C8orf88: variants seen among roughly 807,000 people sequenced by gnomAD.
C8orf88 encodes the protein uncharacterized protein C8orf88.
C8orf88 carries 14 observed loss-of-function variants against 18.4 expected under a neutral mutation model. That is an observed-to-expected ratio of 0.76 (90% CI 0.50 to 1.19). The LOEUF is 1.19. Ranked by LOEUF, C8orf88 falls within the 50% of genes most tolerant of loss-of-function variation. The pLI is 0.00. For synonymous variants in C8orf88, 45 were observed against 42.9 expected (o/e 1.05, Z -0.19); for missense variants, 116 against 134.7 (o/e 0.86, Z 0.69).
intron 1 of C8orf88, among the ~76,000 whole-genome samples, chr8:90,982,876 A>G (rs929051377): frequency 7.9e-5 from 12 of 152,176 alleles, no homozygotes; most frequent in African/African-American, 2.9e-4. Flanking sequence ...AAAAAGGTTA[A>G]GTATTTATAA....
chr8:90,975,957 A>G (rs1179972729), intron 3 of C8orf88, among the ~76,000 whole-genome samples: 2 of 151,610 alleles, frequency 1.3e-5, no homozygotes, highest in African/African-American at 2.4e-5. Context: ...CTACTGATAT[A>G]TACAACATGA....
rs1811418534 is a variant in C8orf88, at chr8:90,980,595, C to A, written c.-26-134G>T. On this transcript the variant is annotated intron_variant, in intron 1 of 5. Transcript: ENST00000517562. The stretch of plus-strand genomic sequence containing the variant: ...AGTGGAAAACACAAACACAAAAAAG[C>A]ATTTAATATGCAATACTCAGACTCC... The A allele has an allele frequency of 5.2e-5, 27 of 515,560 alleles. 1 individual carries two copies. In the South Asian group the frequency reaches 7.4e-4, roughly 14 times the overall value. 31.9% of individuals were successfully genotyped at this position (515,560 alleles called of 1,614,324 possible).
chr8:90,984,437 G>T (rs1333999399), intron 1 of C8orf88, among the ~76,000 whole-genome samples: 1 of 152,098 alleles, frequency 6.6e-6, no homozygotes, highest in African/African-American at 2.4e-5. Context: ...TGACTCAAGT[G>T]GTGAAAGACA....
intron 3 of C8orf88, among the ~76,000 whole-genome samples, chr8:90,974,170 T>C (rs1419135114): frequency 6.6e-6 from 1 of 152,130 alleles, no homozygotes; most frequent in Non-Finnish European, 1.5e-5. Context: ...ACACTCTGTA[T>C]CTCCTTCACT....
chr8:90,976,345 CATT>C (rs1811350160), intron 3 of C8orf88, among the ~76,000 whole-genome samples: 1 of 152,000 alleles, frequency 6.6e-6, no homozygotes, highest in African/African-American at 2.4e-5. Context: ...ATAGCCTTTG[CATT>C]ATAATTGAAG....
In C8orf88 at chr8:90,970,164, TAA is replaced by T. The variant is rs1274510149; in HGVS notation, c.223+900_223+901del. On this transcript the variant is annotated intron_variant, in intron 4 of 5. Coordinates refer to ENST00000517562, the MANE Select transcript of C8orf88 (RefSeq NM_001190972.2). ...TATATTTTACACAGTCATAGTAGTATAAAGAGTGAGTAACACTTTAATTGAAA... is the reference window on the plus strand; with the variant it reads ...TATATTTTACACAGTCATAGTAGTATAGAGTGAGTAACACTTTAATTGAAA... 2.6e-5 allele frequency among the ~76,000 whole-genome samples: 4 copies of T among 152,140 alleles called. No individual in the cohort carries two copies. In the East Asian group the frequency reaches 5.8e-4, roughly 22 times the overall value.
chr8:90,969,896 A>C, intron 4 of C8orf88, among the ~76,000 whole-genome samples: 1 of 151,936 alleles, frequency 6.6e-6, no homozygotes, highest in East Asian at 1.9e-4. Flanking sequence ...CATTAGTACT[A>C]AAGAACAACT....
intron 3 of C8orf88, 25 bp downstream of exon 3, chr8:90,978,553 CT>C: frequency 7.1e-7 from 1 of 1,402,042 alleles, no homozygotes; most frequent in Non-Finnish European, 9.7e-7. Context: ...ATAATATTTC[CT>C]TCTGTTATAA....
intron 1 of C8orf88, among the ~76,000 whole-genome samples, chr8:90,981,314 G>T (rs1203255351): frequency 6.6e-6 from 1 of 152,062 alleles, no homozygotes; most frequent in Non-Finnish European, 1.5e-5. Flanking sequence ...TTTAATTTCT[G>T]TTCACGCTAC....
In C8orf88 at chr8:90,983,554, T is replaced by C. The variant is rs140056153; in HGVS notation, c.-27+1560A>G. ...AAACCTAGAATTGTCTAAAATACAA[T>C]GGGATAATAAGCAGATACATTGACC... On this transcript the variant is annotated intron_variant, in intron 1 of 5. Transcript: ENST00000517562. Among the ~76,000 whole-genome samples, 211 of 152,250 alleles carry C rather than the reference T, an allele frequency of 1.4e-3. 1 individual carries two copies. The highest frequency in any genetic ancestry group is 4.8e-3 in the African/African-American group (199 of 41,574).
chr8:90,971,097 C>T lies in C8orf88; in HGVS notation c.192G>A (p.Glu64=), dbSNP rs1013795280. 9.2e-6 allele frequency: 14 copies of T among 1,518,334 alleles called. No individual in the cohort carries two copies. Among genetic ancestry groups the T allele is most frequent in the African/African-American group, 5.5e-5 (4 of 72,300 alleles). 94.1% of individuals were successfully genotyped at this position (1,518,334 alleles called of 1,614,324 possible). Residue 64 remains glutamate, a synonymous_variant, in exon 4 of 6, where the codon GAG becomes GAA. Transcript: ENST00000517562. ...TAACTGGAGACTGCTGTTGCTGTTG[C>T]TCATTAAGACCTTGAGAAAAGGCTT... ...GMQAFSQGLN[E]QQQQQSPVKK...
At chr8:90,966,478 A>G (rs1307815144) in intron 4 of C8orf88, among the ~76,000 whole-genome samples, 1 of 145,688 alleles carries the variant, frequency 6.9e-6, no homozygotes, top group South Asian at 2.3e-4. Context: ...CATTGTGCAC[A>G]TGTACCCTAA....
In C8orf88 at chr8:90,978,576, T is replaced by C; in HGVS notation, c.147+3A>G. ...TCCTTCTGTTATAATTTCTAAGACT[T>C]ACTCTGCTAACTCCACTTTGTATGC... On this transcript the variant is annotated splice_donor_region_variant and intron_variant, in intron 3 of 5. Transcript: ENST00000517562. 1 of 1,513,088 alleles carries C rather than the reference T, an allele frequency of 6.6e-7. No homozygotes were observed. Among genetic ancestry groups the C allele is most frequent in the Non-Finnish European group, 8.8e-7 (1 of 1,132,838 alleles). The allele number at this position is 1,513,088 out of a possible 1,614,324, so 93.7% of individuals were successfully genotyped here. A position where few individuals can be genotyped will look rare whatever the true frequency, so the allele number is the denominator to read the frequency against.
chr8:90,979,845 G>A (rs1811406433), intron 2 of C8orf88, among the ~76,000 whole-genome samples: 5 of 152,132 alleles, frequency 3.3e-5, no homozygotes, highest in Admixed American at 3.3e-4. Flanking sequence ...AAACATTTTA[G>A]AATGTTTAAA....
intron 3 of C8orf88, among the ~76,000 whole-genome samples, chr8:90,973,244 T>C (rs1376455678): frequency 6.6e-6 from 1 of 152,148 alleles, no homozygotes; most frequent in Admixed American, 6.6e-5. Context: ...ATGCTTATAC[T>C]GACTCTTGAA....
intron 3 of C8orf88, among the ~76,000 whole-genome samples, chr8:90,973,922 A>C (rs1811314494): frequency 6.6e-6 from 1 of 152,202 alleles, no homozygotes; most frequent in Admixed American, 6.5e-5. Context: ...TTAAAGTGTG[A>C]GATTTCTAGG....
chr8:90,968,631 A>C (rs1341419042), intron 4 of C8orf88, among the ~76,000 whole-genome samples: 2 of 130,590 alleles, frequency 1.5e-5, no homozygotes, highest in Non-Finnish European at 3.3e-5. Flanking sequence ...GAATAACACA[A>C]TCTCCAGTAG....
intron 3 of C8orf88, among the ~76,000 whole-genome samples, chr8:90,973,743 C>T (rs1171737294): frequency 6.6e-6 from 1 of 152,104 alleles, no homozygotes; most frequent in Non-Finnish European, 1.5e-5. Context: ...CTCAGCCTTC[C>T]AAAGTGCTAG....
intron 2 of C8orf88, among the ~76,000 whole-genome samples, chr8:90,979,740 AT>A (rs1811404087): frequency 6.6e-6 from 1 of 152,232 alleles, no homozygotes; most frequent in Admixed American, 6.5e-5. Flanking sequence ...GCAACAAGTA[AT>A]GAACAGAATT....
Sources: gnomAD v4.1 joint callset for allele counts (sites outside exome capture counted in the v4.1 genomes callset) on GRCh38, gnomAD v4.1.1 for gene constraint, MANE v1.5 for transcripts, NCBI Gene and HGNC (gene_info 2026-07-23, HGNC 2026-07-21) for gene names.